Variants in MIS18A observed in about 807,000 individuals in gnomAD.
The protein encoded by MIS18A is MIS18 kinetochore protein A.
MIS18A carries 14 observed loss-of-function variants against 25.0 expected under a neutral mutation model. The observed-to-expected ratio is 0.56, with a 90% CI of 0.37 to 0.88. The LOEUF is 0.88. MIS18A is among the 40% of genes least tolerant of loss of function. MIS18A has a pLI of 0.00. For missense variants in MIS18A, 292 were observed against 290.8 expected, an observed-to-expected ratio of 1.00 and a Z score of -0.03; for synonymous variants, 134 against 118.6, an observed-to-expected ratio of 1.13 and a Z score of -0.84.
the MIS18A span, among the ~76,000 whole-genome samples, chr21:32,217,079 T>C: frequency 1.3e-5 from 2 of 152,122 alleles, no homozygotes; most frequent in Non-Finnish European, 2.9e-5. Context: ...TAAAAAATTA[T>C]GAGACATACA....
At chr21:32,225,314 A>G in the MIS18A span, among the ~76,000 whole-genome samples, 26 of 114,866 alleles carry the variant, frequency 2.3e-4, 1 homozygote, top group Middle Eastern at 3.7e-3. Flanking sequence ...CTGCACAGCA[A>G]AAGAAACTAC....
chr21:32,161,768 A>G, the MIS18A span, among the ~76,000 whole-genome samples: 17 of 151,004 alleles, frequency 1.1e-4, no homozygotes. Flanking sequence ...CTGGGATTAC[A>G]GGCATGAGCC....
chr21:32,180,768 C>T, the MIS18A span, among the ~76,000 whole-genome samples: 79 of 152,314 alleles, frequency 5.2e-4, no homozygotes, highest in African/African-American at 1.8e-3. Context: ...CTTCTCCCTA[C>T]GAGCCTATCC....
the MIS18A span, among the ~76,000 whole-genome samples, chr21:32,209,242 A>G: frequency 2.6e-5 from 4 of 152,332 alleles, no homozygotes; most frequent in East Asian, 7.7e-4. Context: ...AGCTTAGCAC[A>G]TGTTAAAGCA....
At chr21:32,182,474 C>A in the MIS18A span, among the ~76,000 whole-genome samples, 2 of 152,164 alleles carry the variant, frequency 1.3e-5, no homozygotes, top group Non-Finnish European at 2.9e-5. Flanking sequence ...TAAAACTGTA[C>A]GGAAAGCAGG....
the MIS18A span, among the ~76,000 whole-genome samples, chr21:32,171,005 AG>A: frequency 6.6e-6 from 1 of 152,134 alleles, no homozygotes; most frequent in Non-Finnish European, 1.5e-5. Context: ...AAGGGCATCT[AG>A]GAAAAAACCT....
the MIS18A span, among the ~76,000 whole-genome samples, chr21:32,218,445 G>A: frequency 6.6e-6 from 1 of 152,030 alleles, no homozygotes; most frequent in Non-Finnish European, 1.5e-5. Flanking sequence ...AAAGACAACT[G>A]CATGAAGCAA....
chr21:32,214,126 C>A, the MIS18A span, among the ~76,000 whole-genome samples: 1 of 152,190 alleles, frequency 6.6e-6, no homozygotes, highest in East Asian at 1.9e-4. Context: ...GTGTTAAAGG[C>A]TGTGGTCCCT....
chr21:32,167,583 A>T, the MIS18A span, among the ~76,000 whole-genome samples: 6 of 152,212 alleles, frequency 3.9e-5, no homozygotes, highest in South Asian at 2.1e-4. Context: ...TGGGGCATAG[A>T]GAGCAAAATG....
At chr21:32,225,132 G>T in the MIS18A span, among the ~76,000 whole-genome samples, 1 of 68,868 alleles carries the variant, frequency 1.5e-5, no homozygotes, top group African/African-American at 8.0e-5. Flanking sequence ...ATCAATTCAA[G>T]ATGGATTAAA....
the MIS18A span, among the ~76,000 whole-genome samples, chr21:32,214,400 A>G: frequency 6.6e-6 from 1 of 152,194 alleles, no homozygotes; most frequent in Non-Finnish European, 1.5e-5. Flanking sequence ...GCTGGGATGC[A>G]GACGGGTTGC....
At chr21:32,234,977 C>G in the MIS18A span, among the ~76,000 whole-genome samples, 1 of 152,226 alleles carries the variant, frequency 6.6e-6, no homozygotes, top group Non-Finnish European at 1.5e-5. Flanking sequence ...GCTCTTGAGA[C>G]AGAGGAGCAC....
At chr21:32,196,544 TC>T in the MIS18A span, among the ~76,000 whole-genome samples, 3 of 146,284 alleles carry the variant, frequency 2.1e-5, no homozygotes, top group Non-Finnish European at 4.5e-5. Context: ...CACTGCAACC[TC>T]CCAGATTCAA....
the MIS18A span, among the ~76,000 whole-genome samples, chr21:32,257,696 C>T: frequency 6.6e-6 from 1 of 152,154 alleles, no homozygotes; most frequent in South Asian, 2.1e-4. Context: ...ATGAGGAAAC[C>T]TAGCCTGGGA....
chr21:32,248,145 G>A, the MIS18A span, among the ~76,000 whole-genome samples: 1 of 152,180 alleles, frequency 6.6e-6, no homozygotes, highest in Non-Finnish European at 1.5e-5. Context: ...ATCCAGGAGA[G>A]ACCCCAACAC....
downstream of MIS18A, among the ~76,000 whole-genome samples, chr21:32,265,384 A>C (rs535095376): frequency 3.3e-5 from 5 of 152,260 alleles, no homozygotes; most frequent in Non-Finnish European, 2.9e-5. Flanking sequence ...GGCCAGCTGG[A>C]GTTCCGGGTG....
At chr21:32,240,194 C>A in the MIS18A span, among the ~76,000 whole-genome samples, 1 of 152,248 alleles carries the variant, frequency 6.6e-6, no homozygotes, top group African/African-American at 2.4e-5. Flanking sequence ...GATGCATGGA[C>A]TGAACCTCTG....
the MIS18A span, among the ~76,000 whole-genome samples, chr21:32,190,432 G>T: frequency 1.3e-5 from 2 of 152,188 alleles, no homozygotes; most frequent in South Asian, 4.1e-4. Flanking sequence ...ACACCCCTGA[G>T]AATCTGATGA....
chr21:32,177,440 G>T, the MIS18A span, among the ~76,000 whole-genome samples: 1 of 152,204 alleles, frequency 6.6e-6, no homozygotes, highest in East Asian at 1.9e-4. Flanking sequence ...TGTACTAGAA[G>T]TTCCAGCCAT....
Sources: gnomAD v4.1 joint callset for allele counts (sites outside exome capture counted in the v4.1 genomes callset) on GRCh38, gnomAD v4.1.1 for gene constraint, MANE v1.5 for transcripts, NCBI Gene and HGNC (gene_info 2026-07-23, HGNC 2026-07-21) for gene names.